GRIK3: variants seen among roughly 807,000 people sequenced by gnomAD.
GRIK3 encodes glutamate receptor ionotropic, kainate 3.
In GRIK3, 29 loss-of-function variants were observed where a neutral mutation model predicts 102.5. That is an observed-to-expected ratio of 0.28 (90% confidence interval 0.21 to 0.39). GRIK3 has a LOEUF of 0.39. Ranked by LOEUF, GRIK3 falls within the 10% of genes least tolerant of loss-of-function variation. The pLI is 1.00. For synonymous variants in GRIK3, 511 were observed against 504.9 expected (o/e 1.01, Z -0.16); for missense variants, 908 against 1,252.4 (o/e 0.73, Z 4.15).
In GRIK3 at chr1:36,920,766, G is replaced by A. The variant is rs577935011; in HGVS notation, c.116-29670C>T. Reference sequence around the variant, plus strand: ...TGCCATTCCCCACACCCACACCTGAGTTTCACTCCAGCCAAGGCCCTCACA... The same window carrying A: ...TGCCATTCCCCACACCCACACCTGAATTTCACTCCAGCCAAGGCCCTCACA... On this transcript the variant is annotated intron_variant, in intron 1 of 15. Coordinates refer to ENST00000373091, the MANE Select transcript of GRIK3 (RefSeq NM_000831.4). Among the ~76,000 whole-genome samples, 3 of 152,346 alleles carry A rather than the reference G, an allele frequency of 2.0e-5. No homozygotes were observed. The East Asian group carries it at 5.8e-4, about 29-fold the overall frequency.
chr1:36,976,290 A>G (rs1413953005), intron 1 of GRIK3, among the ~76,000 whole-genome samples: 1 of 152,122 alleles, frequency 6.6e-6, no homozygotes, highest in African/African-American at 2.4e-5. Context: ...TCTCAGCTAC[A>G]TTCCCCCCAA....
intron 1 of GRIK3, among the ~76,000 whole-genome samples, chr1:36,902,598 A>C (rs1167591614): frequency 1.3e-5 from 2 of 152,226 alleles, no homozygotes; most frequent in Non-Finnish European, 2.9e-5. Context: ...CAGAGACCTC[A>C]ATGTACAATG....
At chr1:36,829,484 T>A (rs1459561516) in intron 10 of GRIK3, among the ~76,000 whole-genome samples, 1 of 152,040 alleles carries the variant, frequency 6.6e-6, no homozygotes, top group Admixed American at 6.6e-5. Context: ...TTTATAGCAA[T>A]CATGTCCTGA....
At chr1:36,986,449 T>TCCATCCATCCATCCATCCATCCATCAGC in intron 1 of GRIK3, among the ~76,000 whole-genome samples, 1 of 147,506 alleles carries the variant, frequency 6.8e-6, no homozygotes, top group East Asian at 2.0e-4. Flanking sequence ...CATCCATCCA[T>TCCATCCATCCATCCATCCATCCATCAGC]CCATCCATCC....
chr1:36,871,769 T>G (rs1368354310), intron 4 of GRIK3, among the ~76,000 whole-genome samples: 1 of 152,130 alleles, frequency 6.6e-6, no homozygotes, highest in Non-Finnish European at 1.5e-5. Flanking sequence ...GGGGAATTAG[T>G]CACTGGAAGA....
rs988537986 is a variant in GRIK3 at position 36,806,178 on chromosome 1, G to A, written c.2240C>T (p.Thr747Met). The A allele has an allele frequency of 2.0e-5, 32 of 1,614,146 alleles. No homozygotes were observed. Among genetic ancestry groups the A allele is most frequent in the Non-Finnish European group, 2.5e-5 (29 of 1,180,016 alleles). Residue 747 changes from threonine to methionine, a missense_variant, in exon 14 of 16, where the codon ACG becomes ATG. Thr to Met is a moderately conservative substitution (Grantham distance 81). Transcript: ENST00000373091. The surrounding 1 kb of genome is among the most constrained non-coding windows in gnomAD (Gnocchi z 4.0). ...CTGGGTGAGGTTGCAGTTCCTCTGC[G>A]TGACGTACTCGATGGTGGTGGACTC... ...LMESTTIEYV[T>M]QRNCNLTQIG... is the part of the protein sequence containing the mutation.
intron 1 of GRIK3, among the ~76,000 whole-genome samples, chr1:36,984,508 G>C (rs1451203648): frequency 6.6e-6 from 1 of 152,182 alleles, no homozygotes. Flanking sequence ...GCTCCTTCCT[G>C]CTTACCCAAA....
chr1:36,848,569 C>T (rs927293198), intron 9 of GRIK3, among the ~76,000 whole-genome samples: 2 of 151,922 alleles, frequency 1.3e-5, no homozygotes, highest in Non-Finnish European at 2.9e-5. Context: ...AATTTTTCAT[C>T]TTTCTTACTA....
intron 1 of GRIK3, among the ~76,000 whole-genome samples, chr1:36,967,377 T>A (rs192704900): frequency 3.9e-5 from 6 of 152,352 alleles, no homozygotes; most frequent in East Asian, 1.9e-4. Flanking sequence ...CCAACCTCCA[T>A]GCCCAGCAGG....
chr1:36,843,382 C>T (rs549061003), intron 9 of GRIK3, among the ~76,000 whole-genome samples: 1 of 152,320 alleles, frequency 6.6e-6, no homozygotes, highest in Admixed American at 6.5e-5. Context: ...AACTCTTTGT[C>T]ACAGACTGTT....
chr1:37,017,369 TAAAA>T (rs774819790), intron 1 of GRIK3, among the ~76,000 whole-genome samples: 11 of 48,522 alleles, frequency 2.3e-4, no homozygotes, highest in South Asian at 1.1e-3. Flanking sequence ...CCCTGTCTCT[TAAAA>T]AAAAAAAAAA....
chr1:36,958,416 G>GTCTGTGCCCCATGAC (rs1641952002), intron 1 of GRIK3, among the ~76,000 whole-genome samples: 2 of 42,540 alleles, frequency 4.7e-5, no homozygotes, highest in Admixed American at 3.2e-4. Context: ...TGCCCCGTGA[G>GTCTGTGCCCCATGAC]TCTGTGCCCC....
intron 1 of GRIK3, among the ~76,000 whole-genome samples, chr1:36,981,049 G>A (rs575113862): frequency 7.9e-5 from 12 of 152,312 alleles, no homozygotes; most frequent in African/African-American, 2.4e-4. Flanking sequence ...TGTTTTACGT[G>A]GGTTATTTTA....
intron 1 of GRIK3, among the ~76,000 whole-genome samples, chr1:37,031,956 C>T (rs974514807): frequency 1.3e-5 from 2 of 152,148 alleles, no homozygotes; most frequent in African/African-American, 2.4e-5. Context: ...TCACGTTTGG[C>T]GCAGGCACAA....
intron 10 of GRIK3, among the ~76,000 whole-genome samples, chr1:36,833,793 G>C (rs1640340145): frequency 6.6e-6 from 1 of 152,204 alleles, no homozygotes; most frequent in African/African-American, 2.4e-5. Context: ...GGGGTTGGGG[G>C]ACAGCTTCCC....
intron 1 of GRIK3, among the ~76,000 whole-genome samples, chr1:36,960,696 C>T (rs1006550055): frequency 1.4e-4 from 21 of 152,318 alleles, no homozygotes; most frequent in Admixed American, 8.5e-4. Context: ...CCCAGACTTC[C>T]GCTGCTAAGC....
chr1:37,024,888 C>T (rs142809460), intron 1 of GRIK3, among the ~76,000 whole-genome samples: 6 of 152,120 alleles, frequency 3.9e-5, no homozygotes, highest in Non-Finnish European at 4.4e-5. Context: ...TTGAGAGCTT[C>T]GTTTTTGCCA....
Position 36,806,331 on chromosome 1 carries a change from G to T in GRIK3, c.2092-5C>A. On this transcript the variant is annotated splice_polypyrimidine_tract_variant and splice_region_variant and intron_variant, in intron 13 of 15. Coordinates refer to ENST00000373091, the MANE Select transcript of GRIK3 (RefSeq NM_000831.4). The surrounding 1 kb of genome is among the most constrained non-coding windows in gnomAD (Gnocchi z 4.0). ...GAAGGTGGAGATCTTGGATTTCTGG[G>T]CCGTGAGGGAAGGGGTGATGCACAC... 1.2e-6 allele frequency: 2 copies of T among 1,602,070 alleles called. No homozygotes were observed. Among genetic ancestry groups the T allele is most frequent in the Non-Finnish European group, 1.7e-6 (2 of 1,170,176 alleles).
intron 1 of GRIK3, among the ~76,000 whole-genome samples, chr1:36,929,561 C>T (rs1641565279): frequency 6.6e-6 from 1 of 152,064 alleles, no homozygotes; most frequent in Non-Finnish European, 1.5e-5. Flanking sequence ...TTTGAGAAAC[C>T]CTGGGTTAAA....
Sources: gnomAD v4.1 joint callset for allele counts (sites outside exome capture counted in the v4.1 genomes callset) on GRCh38, gnomAD v4.1.1 for gene constraint, Gnocchi (gnomAD v3.1) non-coding constraint, MANE v1.5 for transcripts, NCBI Gene and HGNC (gene_info 2026-07-23, HGNC 2026-07-21) for gene names.